Variants in ZFPM2 observed in about 807,000 individuals in gnomAD.
ZFPM2 encodes the protein zinc finger protein, FOG family member 2, also known as zinc finger protein ZFPM2.
In ZFPM2, 20 loss-of-function variants were observed where a neutral mutation model predicts 98.6. That is an observed-to-expected ratio of 0.20 (90% confidence interval 0.14 to 0.29). The LOEUF is 0.29. Ranked by LOEUF, ZFPM2 falls within the 10% of genes least tolerant of loss-of-function variation. The pLI, the probability that ZFPM2 is intolerant of heterozygous loss-of-function variation, is 1.00. For missense variants in ZFPM2, 1,310 were observed against 1,388.6 expected, an observed-to-expected ratio of 0.94 and a Z score of 0.90; for synonymous variants, 518 against 502.7, an observed-to-expected ratio of 1.03 and a Z score of -0.41.
chr8:105,343,513 G>A (rs1563612787), intron 1 of ZFPM2, among the ~76,000 whole-genome samples: 1 of 152,114 alleles, frequency 6.6e-6, no homozygotes. Flanking sequence ...AAAGGAATTA[G>A]CTTTCTTCCT....
intron 4 of ZFPM2, among the ~76,000 whole-genome samples, chr8:105,600,042 A>G (rs1166682811): frequency 1.3e-5 from 2 of 152,064 alleles, no homozygotes; most frequent in African/African-American, 4.8e-5. Flanking sequence ...GGAAATATTG[A>G]TTTTCATTTT....
chr8:105,658,255 G>A (rs1347272860), intron 5 of ZFPM2, among the ~76,000 whole-genome samples: 2 of 151,840 alleles, frequency 1.3e-5, no homozygotes, highest in Non-Finnish European at 2.9e-5. Context: ...TTGTATTTCA[G>A]TGACCTTTGA....
At chr8:105,603,071 A>C (rs1284469933) in intron 4 of ZFPM2, among the ~76,000 whole-genome samples, 1 of 152,122 alleles carries the variant, frequency 6.6e-6, no homozygotes, top group African/African-American at 2.4e-5. Flanking sequence ...TGATTTTTGC[A>C]TAGTGGAATA....
At chr8:105,743,904 T>G (rs1812282626) in intron 5 of ZFPM2, among the ~76,000 whole-genome samples, 1 of 152,094 alleles carries the variant, frequency 6.6e-6, no homozygotes, top group African/African-American at 2.4e-5. Context: ...ACTCTTTATT[T>G]AGTTCAAATT....
intron 1 of ZFPM2, among the ~76,000 whole-genome samples, chr8:105,341,109 G>A (rs1812421330): frequency 6.6e-6 from 1 of 151,890 alleles, no homozygotes; most frequent in African/African-American, 2.4e-5. Context: ...GAAAAAAGCA[G>A]ATGTGTCAGA....
intron 3 of ZFPM2, among the ~76,000 whole-genome samples, chr8:105,515,098 G>A (rs1813892453): frequency 6.6e-6 from 1 of 152,104 alleles, no homozygotes; most frequent in East Asian, 1.9e-4. Context: ...GAGGGGAGAG[G>A]ATGTACACTA....
intron 5 of ZFPM2, among the ~76,000 whole-genome samples, chr8:105,669,303 G>A (rs1218655531): frequency 1.3e-5 from 2 of 151,646 alleles, no homozygotes; most frequent in Non-Finnish European, 2.9e-5. Flanking sequence ...CATAGCTCTA[G>A]GTCTTATTAC....
intron 5 of ZFPM2, among the ~76,000 whole-genome samples, chr8:105,668,900 T>A (rs1178044334): frequency 6.6e-6 from 1 of 152,208 alleles, no homozygotes; most frequent in Non-Finnish European, 1.5e-5. Flanking sequence ...AGAAGGTTTT[T>A]AAAATTTTTT....
chr8:105,750,239 C>T (rs1812445121), intron 5 of ZFPM2, among the ~76,000 whole-genome samples: 1 of 151,926 alleles, frequency 6.6e-6, no homozygotes, highest in Admixed American at 6.6e-5. Flanking sequence ...TCATAGATTC[C>T]AGAATGGTTG....
chr8:105,585,429 T>G (rs1815690974), intron 4 of ZFPM2, among the ~76,000 whole-genome samples: 1 of 152,232 alleles, frequency 6.6e-6, no homozygotes, highest in Non-Finnish European at 1.5e-5. Flanking sequence ...TTGTCTGAAA[T>G]GCATACCTGT....
intron 4 of ZFPM2, among the ~76,000 whole-genome samples, chr8:105,625,471 A>G (rs1179138913): frequency 1.2e-4 from 18 of 151,946 alleles, no homozygotes; most frequent in Admixed American, 1.2e-3. Context: ...ATTTTACTCC[A>G]TTTTTCAATA....
chr8:105,794,613 G>A (rs1469909401), intron 6 of ZFPM2, among the ~76,000 whole-genome samples: 1 of 152,224 alleles, frequency 6.6e-6, no homozygotes, highest in Non-Finnish European at 1.5e-5. Flanking sequence ...CTTCAAAGCT[G>A]TCAGACAGGG....
intron 1 of ZFPM2, among the ~76,000 whole-genome samples, chr8:105,377,694 C>G (rs755469422): frequency 6.6e-6 from 1 of 150,618 alleles, no homozygotes; most frequent in Non-Finnish European, 1.5e-5. Context: ...GCATGAGGAT[C>G]GCTTGAACCC....
chr8:105,529,291 A>G (rs1376255657), intron 3 of ZFPM2, among the ~76,000 whole-genome samples: 2 of 152,140 alleles, frequency 1.3e-5, no homozygotes, highest in African/African-American at 2.4e-5. Context: ...CTACTTCTAC[A>G]TGCAGTCACA....
At chr8:105,438,267 C>G (rs1006589005) in intron 2 of ZFPM2, among the ~76,000 whole-genome samples, 1 of 152,116 alleles carries the variant, frequency 6.6e-6, no homozygotes, top group Non-Finnish European at 1.5e-5. Context: ...ATCACACCAG[C>G]TTGCAGCTCC....
chr8:105,384,140 TC>T (rs1157241251), intron 1 of ZFPM2, among the ~76,000 whole-genome samples: 1 of 152,072 alleles, frequency 6.6e-6, no homozygotes, highest in Non-Finnish European at 1.5e-5. Context: ...ACTCCTCCAT[TC>T]CCCATTCTGC....
At chr8:105,603,012 A>T (rs896351501) in intron 4 of ZFPM2, among the ~76,000 whole-genome samples, 1 of 152,162 alleles carries the variant, frequency 6.6e-6, no homozygotes, top group Non-Finnish European at 1.5e-5. Context: ...ATTTTCTTTC[A>T]TATACTTATA....
rs761794025 is a variant in ZFPM2, at chr8:105,776,089, G to GA, written c.533-12616dup. 8.2e-3 allele frequency among the ~76,000 whole-genome samples: 1,141 copies of GA among 139,732 alleles called. 6 individuals are homozygous for GA. The highest frequency in any genetic ancestry group is 0.027 in the African/African-American group (1,014 of 38,244). 91.7% of individuals were successfully genotyped at this position (139,732 alleles called of 152,430 possible). On this transcript the variant is annotated intron_variant, in intron 5 of 7. Coordinates refer to ENST00000407775, the MANE Select transcript of ZFPM2 (RefSeq NM_012082.4). Reference sequence around the variant, plus strand: ...TTAATAGGAGACATTTTCTTACAAGGAAAAAAAAAAAAAGTACTGTGGAAA... The same window carrying GA: ...TTAATAGGAGACATTTTCTTACAAGGAAAAAAAAAAAAAAGTACTGTGGAAA...
chr8:105,349,152 G>A (rs1470510089), intron 1 of ZFPM2, among the ~76,000 whole-genome samples: 12 of 129,498 alleles, frequency 9.3e-5, no homozygotes, highest in Non-Finnish European at 1.6e-4. Flanking sequence ...AATATTAACT[G>A]ATTAGGTTCT....
Sources: gnomAD v4.1 joint callset for allele counts (sites outside exome capture counted in the v4.1 genomes callset) on GRCh38, gnomAD v4.1.1 for gene constraint, MANE v1.5 for transcripts, NCBI Gene and HGNC (gene_info 2026-07-23, HGNC 2026-07-21) for gene names.